CDC16: variants seen among roughly 807,000 people sequenced by gnomAD.
CDC16 encodes cell division cycle protein 16 homolog.
CDC16 carries 34 observed loss-of-function variants against 87.0 expected under a neutral mutation model. The observed-to-expected ratio is 0.39, with a 90% CI of 0.30 to 0.52. The LOEUF (loss-of-function observed/expected upper bound fraction) is 0.52. CDC16 is among the 20% of genes least tolerant of loss of function. The probability of loss-of-function intolerance (pLI) is 0.74; values close to 1 mark genes in which losing one functional copy is unlikely to be tolerated. For synonymous variants in CDC16, 263 were observed against 260.6 expected (o/e 1.01, Z -0.09); for missense variants, 653 against 751.9 (o/e 0.87, Z 1.54).
rs2081697852 is a variant in CDC16, at chr13:114,243,873, A to G, written c.651A>G (p.Glu217=). 6.2e-7 allele frequency: 1 copy of G among 1,610,396 alleles called. No homozygotes were observed. The highest frequency in any genetic ancestry group is 1.3e-5 in the African/African-American group (1 of 74,970). The stretch of plus-strand genomic sequence containing the variant: ...TGTTTCAGTATAATAAGCCTAGTGA[A>G]ACGGTCATCCCTGAATCTGTAGATG... The part of the protein sequence containing the change: ...NKLKKYNKPS[E]TVIPESVDGL... Residue 217 remains glutamate (E), a synonymous_variant, in exon 8 of 18, where the codon GAA becomes GAG. Coordinates refer to ENST00000356221, the MANE Select transcript of CDC16 (RefSeq NM_001078645.3).
intron 17 of CDC16, among the ~76,000 whole-genome samples, chr13:114,266,165 A>G (rs2139169451): frequency 6.6e-6 from 1 of 152,318 alleles, no homozygotes; most frequent in East Asian, 1.9e-4. Flanking sequence ...CAAAAAGATC[A>G]GGTAATGTGA....
intron 10 of CDC16, among the ~76,000 whole-genome samples, chr13:114,246,379 G>A (rs185285562): frequency 8.5e-4 from 130 of 152,320 alleles, no homozygotes; most frequent in Middle Eastern, 3.4e-3. Flanking sequence ...AAGAAATGTG[G>A]ATAATTGTTT....
Position 114,272,551 on chromosome 13 carries a change from T to C in CDC16, c.*108T>C. On this transcript the variant is annotated 3_prime_UTR_variant, in exon 18 of 18. Transcript: ENST00000356221. ...CTTCCTAACGTGACTCCAAACTGCATCTCTACATTTAGGAACAGAGACCCG... is the reference window on the plus strand; with the variant it reads ...CTTCCTAACGTGACTCCAAACTGCACCTCTACATTTAGGAACAGAGACCCG... 1.1e-6 allele frequency: 1 copy of C among 937,124 alleles called. No individual in the cohort carries two copies. Among genetic ancestry groups the C allele is most frequent in the Non-Finnish European group, 1.6e-6 (1 of 629,480 alleles). 58.1% of individuals were successfully genotyped at this position (937,124 alleles called of 1,614,324 possible).
intron 1 of CDC16, among the ~76,000 whole-genome samples, chr13:114,235,627 G>C (rs1313080663): frequency 6.6e-6 from 1 of 152,182 alleles, no homozygotes; most frequent in Non-Finnish European, 1.5e-5. Flanking sequence ...GAATAGCAGA[G>C]AGCGTTTAAG....
In CDC16 at chr13:114,265,292, A is replaced by T. The variant is rs775251233; in HGVS notation, c.1603+52A>T. 5.3e-5 allele frequency: 60 copies of T among 1,122,870 alleles called. No individual in the cohort carries two copies. The Admixed American group carries it at 1.0e-3, about 19-fold the overall frequency. 69.6% of individuals were successfully genotyped at this position (1,122,870 alleles called of 1,614,324 possible). Reference sequence around the variant, plus strand: ...ATTGTACTCCATTTTTTAGGTTGTCATATGTCTCTGTTTATGTTTCTCATA... The same window carrying T: ...ATTGTACTCCATTTTTTAGGTTGTCTTATGTCTCTGTTTATGTTTCTCATA... On this transcript the variant is annotated intron_variant, in intron 17 of 17. Transcript: ENST00000356221.
At chr13:114,244,082 C>G (rs1594575878) in intron 8 of CDC16, 93 bp downstream of exon 8, 1 of 859,724 alleles carries the variant, frequency 1.2e-6, no homozygotes, top group East Asian at 2.5e-5. Flanking sequence ...TAATCTTGAA[C>G]TAGATGATAA....
At chr13:114,264,323 A>G (rs9590501) in intron 16 of CDC16, 51,607 of 152,238 alleles carry the variant, frequency 0.34, 10,860 homozygotes, top group African/African-American at 0.6. Flanking sequence ...CGAGGTGGGC[A>G]GATCATGAGG....
At chr13:114,271,034 G>A (rs949237018) in intron 17 of CDC16, among the ~76,000 whole-genome samples, 1 of 144,436 alleles carries the variant, frequency 6.9e-6, no homozygotes, top group East Asian at 2.1e-4. Flanking sequence ...CCATTCTCCT[G>A]CCTCAGCCTC....
At chr13:114,263,152 C>T (rs2082955521) in intron 16 of CDC16, 138 bp downstream of exon 16, 4 of 715,624 alleles carry the variant, frequency 5.6e-6, no homozygotes, top group Middle Eastern at 7.6e-4. Context: ...CTTTTCTTTG[C>T]AGAGAAAAGC....
chr13:114,267,340 T>G (rs935665676), intron 17 of CDC16, among the ~76,000 whole-genome samples: 1 of 131,902 alleles, frequency 7.6e-6, no homozygotes, highest in Non-Finnish European at 1.6e-5. Flanking sequence ...AACAAAACAA[T>G]ACAAAAAAAA....
At chr13:114,244,832 G>A (rs377395130) in intron 8 of CDC16, 58 bp from the exon 9 acceptor site, 20 of 1,029,354 alleles carry the variant, frequency 1.9e-5, no homozygotes, top group African/African-American at 8.0e-5. Context: ...ATAGCCGATC[G>A]TCGTGAGTGC....
intron 12 of CDC16, among the ~76,000 whole-genome samples, chr13:114,250,943 C>T (rs1346998233): frequency 6.6e-6 from 1 of 152,142 alleles, no homozygotes; most frequent in Non-Finnish European, 1.5e-5. Flanking sequence ...GGAAGCCCTT[C>T]CTCACATGCT....
At chr13:114,271,361 G>A (rs999642696) in intron 17 of CDC16, among the ~76,000 whole-genome samples, 2 of 152,168 alleles carry the variant, frequency 1.3e-5, no homozygotes, top group African/African-American at 4.8e-5. Context: ...TAATACATCT[G>A]TTCAGATCTG....
intron 3 of CDC16, 24 bp from the exon 4 acceptor site, chr13:114,238,963 ACTT>A (rs754649135): frequency 2.6e-5 from 42 of 1,606,134 alleles, no homozygotes; most frequent in Non-Finnish European, 3.5e-5. Context: ...TTTGACCACT[ACTT>A]AAACAAATTA....
At chr13:114,245,448 G>A (rs1474614211) in intron 9 of CDC16, among the ~76,000 whole-genome samples, 1 of 152,122 alleles carries the variant, frequency 6.6e-6, no homozygotes, top group African/African-American at 2.4e-5. Context: ...GGTGAGCTCT[G>A]TCAGGAAGGA....
At chr13:114,249,579 T>TC (rs1347707525) in intron 11 of CDC16, among the ~76,000 whole-genome samples, 1 of 152,218 alleles carries the variant, frequency 6.6e-6, no homozygotes, top group Admixed American at 6.5e-5. Context: ...TTCTCTTTAT[T>TC]CCTTGTGGGT....
intron 17 of CDC16, among the ~76,000 whole-genome samples, chr13:114,266,357 G>A (rs931778240): frequency 2.1e-4 from 32 of 152,186 alleles, no homozygotes; most frequent in African/African-American, 7.5e-4. Flanking sequence ...CCAGAGTGGC[G>A]AGAAGACAGA....
At chr13:114,263,445 A>G (rs924218994) in intron 16 of CDC16, among the ~76,000 whole-genome samples, 3 of 152,236 alleles carry the variant, frequency 2.0e-5, no homozygotes, top group South Asian at 2.1e-4. Flanking sequence ...TTAAGACACC[A>G]TGAGTAAGCA....
Position 114,242,007 on chromosome 13 carries a change from G to A in CDC16, c.382-114G>A, listed in dbSNP as rs968939217. ...TTCAAGGCTGCAGTGAGCTATGATCGCACCACTGAACTCCAGCCTGGGAGA... is the reference window on the plus strand; with the variant it reads ...TTCAAGGCTGCAGTGAGCTATGATCACACCACTGAACTCCAGCCTGGGAGA... On this transcript the variant is annotated intron_variant, in intron 5 of 17. Transcript: ENST00000356221. The A allele has an allele frequency of 5.4e-5, 66 of 1,213,238 alleles. No individual in the cohort carries two copies. In the African/African-American group the frequency reaches 7.1e-4, roughly 13 times the overall value. The allele number at this position is 1,213,238 out of a possible 1,614,324, so 75.2% of individuals were successfully genotyped here. A position where few individuals can be genotyped will look rare whatever the true frequency, so the allele number is the denominator to read the frequency against.
Sources: gnomAD v4.1 joint callset for allele counts (sites outside exome capture counted in the v4.1 genomes callset) on GRCh38, gnomAD v4.1.1 for gene constraint, MANE v1.5 for transcripts, NCBI Gene and HGNC (gene_info 2026-07-23, HGNC 2026-07-21) for gene names.